MYO3A: variants seen among roughly 807,000 people sequenced by gnomAD.
The protein encoded by MYO3A is myosin-IIIa.
MYO3A carries 180 observed loss-of-function variants against 192.7 expected under a neutral mutation model. The ratio of observed to expected loss-of-function variants is 0.93; its 90% CI spans 0.83 to 1.06. MYO3A has a LOEUF of 1.06. MYO3A is among the 50% of genes least tolerant of loss of function. The pLI is 0.00. For missense variants in MYO3A, 1,896 were observed against 1,905.0 expected (o/e 1.00, Z 0.09); for synonymous variants, 628 against 645.3 (o/e 0.97, Z 0.41).
chr10:26,086,259 A>T (rs1034788633), intron 14 of MYO3A, among the ~76,000 whole-genome samples: 1 of 152,140 alleles, frequency 6.6e-6, no homozygotes, highest in African/African-American at 2.4e-5. Flanking sequence ...GCCACTGTTA[A>T]ACCATCAGGT....
chr10:26,070,229 C>T lies in MYO3A; in HGVS notation c.1275+14C>T, dbSNP rs767548817. ...AATTCAGATCAGGTAAGAAGAGTCT[C>T]CCATTCTTAGAAATTTACCTCTTAG... is the stretch of plus-strand genomic sequence containing the variant. On this transcript the variant is annotated intron_variant, in intron 13 of 34. Coordinates refer to ENST00000642920, the MANE Select transcript of MYO3A (RefSeq NM_017433.5). 1.9e-6 allele frequency: 3 copies of T among 1,598,018 alleles called. No individual in the cohort carries two copies. Among genetic ancestry groups the T allele is most frequent in the South Asian group, 2.2e-5 (2 of 90,692 alleles).
chr10:26,165,725 C>T, intron 26 of MYO3A: 1 of 345,078 alleles, frequency 2.9e-6, no homozygotes, highest in Non-Finnish European at 5.4e-6. Flanking sequence ...CACTGCAGTC[C>T]TGCACTTTTT....
At chr10:26,191,741 C>G (rs1057053348) in intron 31 of MYO3A, among the ~76,000 whole-genome samples, 4 of 152,188 alleles carry the variant, frequency 2.6e-5, no homozygotes, top group African/African-American at 9.7e-5. Flanking sequence ...GAAGGTTAGA[C>G]GTCTATGAGT....
At chr10:26,137,996 C>T (rs1426177961) in intron 20 of MYO3A, among the ~76,000 whole-genome samples, 1 of 152,170 alleles carries the variant, frequency 6.6e-6, no homozygotes, top group Non-Finnish European at 1.5e-5. Context: ...TACCCTTTGC[C>T]TTGTGATCTT....
chr10:25,948,410 T>C (rs1347750060), intron 2 of MYO3A, among the ~76,000 whole-genome samples: 1 of 152,146 alleles, frequency 6.6e-6, no homozygotes, highest in Non-Finnish European at 1.5e-5. Context: ...ATTTCAAAAA[T>C]GTAGCTTTGC....
At chr10:25,972,581 C>T (rs4626968) in intron 4 of MYO3A, among the ~76,000 whole-genome samples, 45,794 of 151,938 alleles carry the variant, frequency 0.3, 7,598 homozygotes, top group South Asian at 0.44. Context: ...ACTAAGTTCC[C>T]TGGGTGGGGA....
At chr10:25,983,404 C>T (rs182222129) in intron 4 of MYO3A, among the ~76,000 whole-genome samples, 1,782 of 151,880 alleles carry the variant, frequency 0.012, 42 homozygotes, top group African/African-American at 0.038. Context: ...TACAGGCGCC[C>T]GCCACCACGC....
chr10:25,936,935 A>T (rs1836114770), intron 2 of MYO3A, among the ~76,000 whole-genome samples: 1 of 151,986 alleles, frequency 6.6e-6, no homozygotes, highest in Non-Finnish European at 1.5e-5. Context: ...CTGATATCTG[A>T]GGGTGATTAG....
intron 31 of MYO3A, among the ~76,000 whole-genome samples, chr10:26,184,827 T>C (rs1350561831): frequency 6.6e-6 from 1 of 152,192 alleles, no homozygotes; most frequent in Non-Finnish European, 1.5e-5. Flanking sequence ...CACATTGATA[T>C]GCTGCTGATA....
chr10:25,977,141 T>A (rs1278016059), intron 4 of MYO3A, among the ~76,000 whole-genome samples: 4 of 152,238 alleles, frequency 2.6e-5, no homozygotes, highest in African/African-American at 9.6e-5. Context: ...TATGTTCATA[T>A]CTGGAGGTTC....
rs192034721 is a variant in MYO3A, at chr10:26,026,653, G to A, written c.953+121G>A. The stretch of plus-strand genomic sequence containing the variant: ...GAGGTAATGGGGACTTACATGAAAA[G>A]TGAATGTCACCTGTTGAAATGCCTC... On this transcript the variant is annotated intron_variant, in intron 10 of 34. Coordinates refer to ENST00000642920, the MANE Select transcript of MYO3A (RefSeq NM_017433.5). 1.1e-5 allele frequency: 13 copies of A among 1,140,648 alleles called. No homozygotes were observed. The East Asian group carries it at 2.5e-4, about 22-fold the overall frequency. 70.7% of individuals were successfully genotyped at this position (1,140,648 alleles called of 1,614,324 possible).
At chr10:26,165,520 G>A (rs73594312) in intron 26 of MYO3A, among the ~76,000 whole-genome samples, 50 of 152,022 alleles carry the variant, frequency 3.3e-4, no homozygotes, top group African/African-American at 1.1e-3. Context: ...TCCTTCCCTC[G>A]ATTATGGATA....
intron 4 of MYO3A, among the ~76,000 whole-genome samples, chr10:25,976,670 T>C (rs1838982142): frequency 6.6e-6 from 1 of 152,210 alleles, no homozygotes; most frequent in Admixed American, 6.5e-5. Context: ...TGCTGCTCTG[T>C]TATTTAATTA....
intron 14 of MYO3A, among the ~76,000 whole-genome samples, chr10:26,078,630 T>C (rs72793215): frequency 0.1 from 15,638 of 152,118 alleles, 878 homozygotes; most frequent in Non-Finnish European, 0.12. Flanking sequence ...TTCAGTTTTT[T>C]TGATGTAAGC....
intron 10 of MYO3A, among the ~76,000 whole-genome samples, chr10:26,060,294 TAAATAAATTTAA>T (rs1279134882): frequency 2.8e-4 from 32 of 113,854 alleles, no homozygotes; most frequent in Admixed American, 1.5e-3. Context: ...CATAAATAAA[TAAATAAATTTAA>T]AAAATACAAA....
intron 10 of MYO3A, among the ~76,000 whole-genome samples, chr10:26,051,264 T>A (rs1025511611): frequency 3.9e-5 from 6 of 152,172 alleles, no homozygotes; most frequent in Non-Finnish European, 4.4e-5. Flanking sequence ...TCAGAAAAGC[T>A]TATAATGCCA....
chr10:26,005,833 G>C (rs936369461), intron 6 of MYO3A, among the ~76,000 whole-genome samples: 14 of 151,950 alleles, frequency 9.2e-5, no homozygotes, highest in African/African-American at 3.4e-4. Context: ...GTTTTCAAAT[G>C]CTCATAACTA....
At chr10:26,049,831 G>A (rs11812786) in intron 10 of MYO3A, among the ~76,000 whole-genome samples, 24,665 of 151,264 alleles carry the variant, frequency 0.16, 2,299 homozygotes, top group Non-Finnish European at 0.21. Flanking sequence ...ACCCACCACC[G>A]CGCTCAGCTA....
chr10:26,206,476 T>C (rs144931875), intron 34 of MYO3A, among the ~76,000 whole-genome samples: 6,382 of 151,962 alleles, frequency 0.042, 423 homozygotes, highest in African/African-American at 0.14. Context: ...TGAGACATAG[T>C]CTCACTCTGT....
Sources: allele counts gnomAD v4.1 joint callset (sites outside exome capture counted in the v4.1 genomes callset), GRCh38; gene constraint gnomAD v4.1.1; transcripts MANE v1.5; gene names NCBI Gene and HGNC (gene_info 2026-07-23, HGNC 2026-07-21).